The following FOCAD variants were observed in gnomAD, a reference collection of about 807,000 sequenced individuals.
The protein encoded by FOCAD is focadhesin.
Under a neutral mutation model 225.6 loss-of-function variants are expected in FOCAD, and 198 were observed. The ratio of observed to expected loss-of-function variants is 0.88; its 90% CI spans 0.78 to 0.99. The LOEUF (loss-of-function observed/expected upper bound fraction) is 0.99. Ranked by LOEUF, FOCAD falls within the 50% of genes least tolerant of loss-of-function variation. FOCAD has a pLI of 0.00. For synonymous variants in FOCAD, 897 were observed against 755.0 expected (o/e 1.19, Z -3.08); for missense variants, 2,713 against 2,123.6 (o/e 1.28, Z -5.46).
intron 2 of FOCAD, among the ~76,000 whole-genome samples, chr9:20,661,699 A>C (rs1351489276): frequency 6.6e-6 from 1 of 152,206 alleles, no homozygotes; most frequent in East Asian, 1.9e-4. Flanking sequence ...TAAACATAGG[A>C]TACATTGAGT....
At chr9:20,909,778 C>T (rs758976652) in intron 22 of FOCAD, among the ~76,000 whole-genome samples, 11 of 152,162 alleles carry the variant, frequency 7.2e-5, no homozygotes, top group South Asian at 2.1e-4. Context: ...TGAGTCCACA[C>T]GCTTAAATAG....
intron 43 of FOCAD, among the ~76,000 whole-genome samples, 178 bp from the exon 44 acceptor site, chr9:20,995,378 C>A (rs368458844): frequency 5.3e-4 from 67 of 126,714 alleles, no homozygotes; most frequent in African/African-American, 1.6e-3. Flanking sequence ...AAAAAAAAAA[C>A]AACTTTCCCC....
chr9:20,862,859 A>C (rs1828901194), intron 16 of FOCAD, 147 bp downstream of exon 16: 1 of 704,026 alleles, frequency 1.4e-6, no homozygotes, highest in South Asian at 3.3e-5. Context: ...TCTTAGGAGT[A>C]AGATAGCTCC....
intron 35 of FOCAD, among the ~76,000 whole-genome samples, chr9:20,971,666 A>G (rs1373591551): frequency 2.6e-5 from 4 of 152,114 alleles, no homozygotes; most frequent in Non-Finnish European, 4.4e-5. Flanking sequence ...GTTAATGTGA[A>G]TGTATATTCA....
chr9:20,791,707 A>C (rs1289217169), intron 11 of FOCAD, among the ~76,000 whole-genome samples: 1 of 152,194 alleles, frequency 6.6e-6, no homozygotes, highest in Non-Finnish European at 1.5e-5. Context: ...TGGACTAACC[A>C]TCATGATGGG....
At chr9:20,847,606 A>G (rs1827248070) in intron 15 of FOCAD, among the ~76,000 whole-genome samples, 1 of 151,934 alleles carries the variant, frequency 6.6e-6, no homozygotes, top group Non-Finnish European at 1.5e-5. Flanking sequence ...GCTTTGGGGA[A>G]GGAGGGGCGA....
chr9:20,866,917 T>TTTTTAAACA lies in FOCAD; in HGVS notation c.2107-12_2107-11insTTTTAAACA. ...TTTTTTTTTTTTTTTTTTTTTTTTT[T>TTTTTAAACA]ACCCTATCTAGGACCCAATTGTAGC... On this transcript the variant is annotated splice_polypyrimidine_tract_variant and intron_variant, in intron 17 of 43. Coordinates refer to ENST00000338382, the MANE Select transcript of FOCAD (RefSeq NM_001375567.1). 1 of 764,970 alleles carries TTTTTAAACA rather than the reference T, an allele frequency of 1.3e-6. No individual in the cohort carries two copies. The highest frequency in any genetic ancestry group is 2.0e-6 in the Non-Finnish European group (1 of 498,466). 47.4% of individuals were successfully genotyped at this position (764,970 alleles called of 1,614,324 possible).
intron 14 of FOCAD, 24 bp downstream of exon 14, chr9:20,821,095 A>T: frequency 4.4e-6 from 7 of 1,600,886 alleles, no homozygotes; most frequent in Non-Finnish European, 6.0e-6. Flanking sequence ...AACTCTTAGG[A>T]ATGTATATCA....
intron 28 of FOCAD, among the ~76,000 whole-genome samples, chr9:20,941,625 T>A (rs1836665994): frequency 6.6e-6 from 1 of 152,224 alleles, no homozygotes; most frequent in Non-Finnish European, 1.5e-5. Flanking sequence ...TAATATACTC[T>A]GATAATAGAT....
At chr9:20,682,630 T>C (rs189108553), upstream of FOCAD, among the ~76,000 whole-genome samples, 14 of 152,300 alleles carry the variant, frequency 9.2e-5, no homozygotes, top group African/African-American at 3.4e-4. Flanking sequence ...AATATTAAAA[T>C]AGTCCTAAAA....
chr9:20,668,646 A>G (rs1017601403), intron 2 of FOCAD, among the ~76,000 whole-genome samples: 3 of 152,222 alleles, frequency 2.0e-5, no homozygotes, highest in African/African-American at 7.2e-5. Context: ...ATTAGTCGTA[A>G]TTGAATCTGT....
chr9:20,937,494 A>T (rs1034049159), intron 28 of FOCAD, among the ~76,000 whole-genome samples: 1 of 151,914 alleles, frequency 6.6e-6, no homozygotes, highest in East Asian at 1.9e-4. Context: ...TTCCCTATTT[A>T]ATAAATGGTG....
intron 1 of FOCAD, among the ~76,000 whole-genome samples, chr9:20,712,234 A>G (rs1824909531): frequency 6.6e-6 from 1 of 152,178 alleles, no homozygotes. Context: ...TCTTCCTCAC[A>G]AAACTTGGTT....
chr9:20,667,123 A>T (rs1227031967), intron 2 of FOCAD, among the ~76,000 whole-genome samples: 2 of 152,252 alleles, frequency 1.3e-5, no homozygotes, highest in African/African-American at 4.8e-5. Flanking sequence ...CGAATTTCGA[A>T]TCTACCACTA....
In FOCAD at chr9:20,879,485, A is replaced by C. The variant is rs187203527; in HGVS notation, c.2318-2386A>C. ...GCACTAGTTTTTTATATTTATTCCAAATAGTTACCTGTATCAATTGTTTTT... is the reference window on the plus strand; with the variant it reads ...GCACTAGTTTTTTATATTTATTCCACATAGTTACCTGTATCAATTGTTTTT... On this transcript the variant is annotated intron_variant, in intron 19 of 43. Coordinates refer to ENST00000338382, the MANE Select transcript of FOCAD (RefSeq NM_001375567.1). Among the ~76,000 whole-genome samples, 708 of 152,284 alleles carry C rather than the reference A, an allele frequency of 4.6e-3. 7 individuals are homozygous for C. Among genetic ancestry groups the C allele is most frequent in the Middle Eastern group, 6.8e-3 (2 of 294 alleles).
intron 36 of FOCAD, 111 bp downstream of exon 36, chr9:20,976,659 T>G (rs1249358966): frequency 9.3e-6 from 11 of 1,177,028 alleles, no homozygotes; most frequent in Non-Finnish European, 1.4e-5. Flanking sequence ...TTTTCAGATC[T>G]TGAGGTTTGT....
At chr9:20,780,570 CAAAGAAAT>C (rs1182638147) in intron 9 of FOCAD, among the ~76,000 whole-genome samples, 1 of 151,800 alleles carries the variant, frequency 6.6e-6, no homozygotes, top group African/African-American at 2.4e-5. Flanking sequence ...AAAGAGTATT[CAAAGAAAT>C]AGGATAACCA....
At chr9:20,885,256 T>C (rs775113581) in intron 21 of FOCAD, 26 bp downstream of exon 21, 12 of 1,416,302 alleles carry the variant, frequency 8.5e-6, no homozygotes, top group Non-Finnish European at 1.1e-5. Flanking sequence ...CTCTTCTTTA[T>C]GTTTTAGTGT....
At chr9:20,884,814 C>T (rs918865528) in intron 20 of FOCAD, among the ~76,000 whole-genome samples, 3 of 151,882 alleles carry the variant, frequency 2.0e-5, no homozygotes, top group African/African-American at 4.8e-5. Flanking sequence ...GTAATCCCAG[C>T]GCTTTGGGAG....
Sources: allele counts gnomAD v4.1 joint callset (sites outside exome capture counted in the v4.1 genomes callset), GRCh38; gene constraint gnomAD v4.1.1; transcripts MANE v1.5; gene names NCBI Gene and HGNC (gene_info 2026-07-23, HGNC 2026-07-21).